The following SEPTIN10 variants were observed in gnomAD, a reference collection of about 807,000 sequenced individuals.
SEPTIN10 encodes the protein septin 10.
Under a neutral mutation model 54.8 loss-of-function variants are expected in SEPTIN10, and 66 were observed. The observed-to-expected ratio is 1.21, with a 90% CI of 0.99 to 1.48. The LOEUF (loss-of-function observed/expected upper bound fraction) is 1.48, where lower values mean the gene tolerates loss of function less well. SEPTIN10 is among the 40% of genes most tolerant of loss of function. The probability of loss-of-function intolerance (pLI) is 0.00; values close to 1 mark genes in which losing one functional copy is unlikely to be tolerated. For missense variants in SEPTIN10, 620 were observed against 545.6 expected (o/e 1.14, Z -1.36); for synonymous variants, 161 against 181.0 (o/e 0.89, Z 0.89).
chr2:109,548,424 TGAGGTTTACAGGCTCATTGGCTCACG>T (rs1681894522), intron 9 of SEPTIN10, among the ~76,000 whole-genome samples: 1 of 151,930 alleles, frequency 6.6e-6, no homozygotes, highest in Non-Finnish European at 1.5e-5. Flanking sequence ...GATGGCTCAT[TGAGGTTTACAGGCTCATTGGCTCACG>T]GAGGTTTACA....
chr2:109,597,805 C>A (rs555586028), intron 1 of SEPTIN10, among the ~76,000 whole-genome samples: 4 of 152,282 alleles, frequency 2.6e-5, no homozygotes, highest in South Asian at 4.1e-4. Context: ...TGGTGCTGCA[C>A]CTTTTTTAAA....
chr2:109,583,566 G>A (rs755942518), intron 4 of SEPTIN10, among the ~76,000 whole-genome samples: 10 of 152,186 alleles, frequency 6.6e-5, no homozygotes, highest in Admixed American at 4.6e-4. Flanking sequence ...CAGCCACTGT[G>A]GAAAGCAGTT....
At chr2:109,567,791 A>G in intron 6 of SEPTIN10, 24 bp downstream of exon 6, 1 of 1,544,590 alleles carries the variant, frequency 6.5e-7, no homozygotes, top group Non-Finnish European at 8.7e-7. Context: ...GGAAAACAGA[A>G]TTAACATTCA....
At chr2:109,609,052 T>G (rs1573894241) in intron 1 of SEPTIN10, among the ~76,000 whole-genome samples, 1 of 152,156 alleles carries the variant, frequency 6.6e-6, no homozygotes, top group Admixed American at 6.5e-5. Context: ...AATATATCAA[T>G]CAATCAATCA....
chr2:109,594,001 A>G (rs1475429358), intron 1 of SEPTIN10, among the ~76,000 whole-genome samples: 1 of 152,216 alleles, frequency 6.6e-6, no homozygotes, highest in Non-Finnish European at 1.5e-5. Context: ...AAAAATTCAG[A>G]TTCTGAAAGG....
At chr2:109,586,838 A>C (rs552756317) in intron 2 of SEPTIN10, among the ~76,000 whole-genome samples, 1 of 152,350 alleles carries the variant, frequency 6.6e-6, no homozygotes, top group South Asian at 2.1e-4. Context: ...CAGCTGAAGC[A>C]GACCTGCCTT....
chr2:109,600,515 AT>A (rs1696381004), intron 1 of SEPTIN10, among the ~76,000 whole-genome samples: 1 of 150,872 alleles, frequency 6.6e-6, no homozygotes, highest in Admixed American at 6.6e-5. Flanking sequence ...ACCTGCTTAT[AT>A]TTCTAATATT....
At chr2:109,574,793 AC>A in intron 4 of SEPTIN10, 26 bp from the exon 5 acceptor site, 2 of 1,505,244 alleles carry the variant, frequency 1.3e-6, no homozygotes, top group Non-Finnish European at 1.8e-6. Flanking sequence ...AATGTTTAAT[AC>A]AACATTATTT....
At chr2:109,560,633 T>C (rs1418760159) in intron 8 of SEPTIN10, among the ~76,000 whole-genome samples, 1 of 152,196 alleles carries the variant, frequency 6.6e-6, no homozygotes, top group African/African-American at 2.4e-5. Context: ...CTTGTAATTG[T>C]CACTTTGCTG....
chr2:109,613,740 G>T, intron 1 of SEPTIN10, 58 bp downstream of exon 1: 1 of 1,126,744 alleles, frequency 8.9e-7, no homozygotes, highest in Non-Finnish European at 1.1e-6. Flanking sequence ...TCGAGGGCGG[G>T]AAGTCCCGCG....
intron 5 of SEPTIN10, among the ~76,000 whole-genome samples, chr2:109,573,633 C>G (rs1281623834): frequency 6.6e-6 from 1 of 152,202 alleles, no homozygotes; most frequent in Non-Finnish European, 1.5e-5. Context: ...CCAGAACAAC[C>G]TTGGATTTTT....
chr2:109,597,279 T>C (rs1310553038), intron 1 of SEPTIN10, among the ~76,000 whole-genome samples: 3 of 152,206 alleles, frequency 2.0e-5, no homozygotes, highest in East Asian at 1.9e-4. Flanking sequence ...AAAGTAATAA[T>C]AGGACAAGAG....
intron 9 of SEPTIN10, among the ~76,000 whole-genome samples, chr2:109,547,677 A>AT (rs1240019076): frequency 6.6e-6 from 1 of 152,180 alleles, no homozygotes; most frequent in Non-Finnish European, 1.5e-5. Context: ...TAGAAGGCAT[A>AT]TTTCTCAAAG....
chr2:109,581,274 T>C (rs115133474), intron 4 of SEPTIN10, among the ~76,000 whole-genome samples: 3,938 of 152,056 alleles, frequency 0.026, 64 homozygotes, highest in South Asian at 0.075. Flanking sequence ...ACCCCGTCTC[T>C]ACTTTTGCAA....
chr2:109,569,126 T>G (rs1687760129), intron 5 of SEPTIN10, among the ~76,000 whole-genome samples: 1 of 152,136 alleles, frequency 6.6e-6, no homozygotes, highest in Admixed American at 6.6e-5. Context: ...AATGTAATTT[T>G]CAGATTAAAA....
intron 4 of SEPTIN10, among the ~76,000 whole-genome samples, chr2:109,584,105 G>A (rs1226618077): frequency 1.3e-5 from 2 of 152,176 alleles, no homozygotes; most frequent in African/African-American, 4.8e-5. Context: ...ATATACCCAT[G>A]TAATAAACCT....
chr2:109,612,340 AG>A (rs1222493339), intron 1 of SEPTIN10, among the ~76,000 whole-genome samples: 3 of 152,230 alleles, frequency 2.0e-5, no homozygotes, highest in Admixed American at 1.3e-4. Context: ...GGTTATAAAA[AG>A]GCATTAAGGG....
intron 1 of SEPTIN10, among the ~76,000 whole-genome samples, chr2:109,607,854 CACTG>C (rs774461481): frequency 6.6e-6 from 1 of 152,156 alleles, no homozygotes; most frequent in East Asian, 1.9e-4. Flanking sequence ...GAAAGTCACC[CACTG>C]ACTAACTTGT....
Position 109,585,284 on chromosome 2 carries a change from T to A in SEPTIN10, c.255A>T (p.Thr85=), listed in dbSNP as rs768050601. 1.2e-5 allele frequency: 19 copies of A among 1,609,942 alleles called. No individual in the cohort carries two copies. Among genetic ancestry groups the A allele is most frequent in the Non-Finnish European group, 1.6e-5 (19 of 1,178,432 alleles). The change falls in exon 4 of 11, where the codon ACA becomes ACT. Residue 85 remains threonine (T), a synonymous_variant. Transcript: ENST00000397712. The part of the protein sequence containing the change: ...TGIGKSTLID[T]LFNTNFEDYE... ...AGTCTTCAAAATTAGTATTAAACAA[T>A]GTGTCAATCAGTGTTGATTTTCCAA...
Sources: gnomAD v4.1 joint callset for allele counts (sites outside exome capture counted in the v4.1 genomes callset) on GRCh38, gnomAD v4.1.1 for gene constraint, MANE v1.5 for transcripts, NCBI Gene and HGNC (gene_info 2026-07-23, HGNC 2026-07-21) for gene names.